Variants in MAD1L1 observed in about 807,000 individuals in gnomAD.
MAD1L1 encodes mitotic arrest deficient 1 like 1.
MAD1L1 carries 95 observed loss-of-function variants against 96.9 expected under a neutral mutation model. That is an observed-to-expected ratio of 0.98 (90% CI 0.83 to 1.16). The LOEUF (loss-of-function observed/expected upper bound fraction) is 1.16, where lower values mean the gene tolerates loss of function less well. Among genes scored for constraint, MAD1L1 ranks in the 50% most tolerant of loss-of-function variants. MAD1L1 has a pLI of 0.00. For synonymous variants in MAD1L1, 473 were observed against 396.6 expected, an observed-to-expected ratio of 1.19 and a Z score of -2.29; for missense variants, 1,007 against 954.4, an observed-to-expected ratio of 1.06 and a Z score of -0.73.
chr7:2,005,043 C>T (rs896789318), intron 13 of MAD1L1, among the ~76,000 whole-genome samples: 4 of 152,302 alleles, frequency 2.6e-5, no homozygotes, highest in South Asian at 2.1e-4. Context: ...GAGCAGCTCC[C>T]GTGAGAGTGC....
intron 18 of MAD1L1, among the ~76,000 whole-genome samples, chr7:1,885,094 G>A (rs963506845): frequency 3.9e-5 from 6 of 152,206 alleles, no homozygotes; most frequent in South Asian, 2.1e-4. Flanking sequence ...GACCCAAGGC[G>A]GGGACCCAGG....
chr7:2,154,380 C>A (rs555958381), intron 10 of MAD1L1, among the ~76,000 whole-genome samples: 15 of 152,228 alleles, frequency 9.9e-5, no homozygotes, highest in African/African-American at 3.4e-4. Context: ...TTAATGGGTA[C>A]GAACATACAG....
intron 18 of MAD1L1, chr7:1,847,472 C>T (rs1423698686): frequency 4.2e-6 from 2 of 470,982 alleles, no homozygotes; most frequent in South Asian, 3.1e-5. Flanking sequence ...TCCCACACAA[C>T]CCAGCCCCCA....
intron 10 of MAD1L1, among the ~76,000 whole-genome samples, chr7:2,153,272 T>C (rs1476106272): frequency 6.6e-6 from 1 of 151,986 alleles, no homozygotes; most frequent in Admixed American, 6.6e-5. Context: ...CAGGAAAATA[T>C]CTGTCAACTC....
intron 10 of MAD1L1, among the ~76,000 whole-genome samples, chr7:2,207,245 T>C (rs1384948656): frequency 1.3e-5 from 2 of 152,124 alleles, no homozygotes; most frequent in Non-Finnish European, 2.9e-5. Context: ...CTGAAATATA[T>C]ATTTGGTCTT....
chr7:2,111,248 G>C (rs1787364801), intron 11 of MAD1L1, among the ~76,000 whole-genome samples: 1 of 152,190 alleles, frequency 6.6e-6, no homozygotes, highest in African/African-American at 2.4e-5. Context: ...GACTAGAGGG[G>C]CTCGGGAAGC....
intron 17 of MAD1L1, among the ~76,000 whole-genome samples, chr7:1,912,285 G>T (rs1562517477): frequency 6.6e-6 from 1 of 152,214 alleles, no homozygotes; most frequent in Non-Finnish European, 1.5e-5. Context: ...AGCAAATGGG[G>T]GCATGTGTGG....
chr7:1,820,181 T>G (rs1248425095), intron 18 of MAD1L1, among the ~76,000 whole-genome samples: 1 of 151,996 alleles, frequency 6.6e-6, no homozygotes, highest in East Asian at 1.9e-4. Flanking sequence ...CACTTCTAAG[T>G]AATCCACGAG....
intron 18 of MAD1L1, among the ~76,000 whole-genome samples, chr7:1,828,245 A>G (rs562633951): frequency 7.2e-5 from 11 of 152,330 alleles, no homozygotes; most frequent in African/African-American, 2.4e-4. Flanking sequence ...GTTTTCAGTC[A>G]GGAAGGGTGG....
intron 16 of MAD1L1, among the ~76,000 whole-genome samples, chr7:1,944,427 G>C (rs1212973988): frequency 2.0e-5 from 3 of 152,184 alleles, no homozygotes; most frequent in Admixed American, 1.3e-4. Context: ...GAAACAGCAG[G>C]AAGCGTGGAT....
At chr7:1,838,846 C>T (rs528688074) in intron 18 of MAD1L1, 10 of 471,410 alleles carry the variant, frequency 2.1e-5, no homozygotes, top group East Asian at 1.4e-4. Flanking sequence ...AGTCCCTGGC[C>T]GAGAAGAAGG....
intron 11 of MAD1L1, among the ~76,000 whole-genome samples, chr7:2,135,972 C>G (rs1488114342): frequency 6.6e-6 from 1 of 152,222 alleles, no homozygotes; most frequent in African/African-American, 2.4e-5. Flanking sequence ...AAGGGATTCA[C>G]TGCTGGTTTC....
At chr7:2,017,838 T>C (rs770213246) in intron 12 of MAD1L1, among the ~76,000 whole-genome samples, 5 of 152,044 alleles carry the variant, frequency 3.3e-5, no homozygotes, top group Non-Finnish European at 7.4e-5. Flanking sequence ...GCAGGACACC[T>C]GGGCAGCAGG....
At chr7:1,823,278 A>G (rs544556827) in intron 18 of MAD1L1, among the ~76,000 whole-genome samples, 3 of 152,140 alleles carry the variant, frequency 2.0e-5, no homozygotes, top group Non-Finnish European at 2.9e-5. Flanking sequence ...CTGTATCACG[A>G]ACTTACATGT....
intron 18 of MAD1L1, among the ~76,000 whole-genome samples, chr7:1,818,386 A>G (rs994270280): frequency 1.3e-5 from 2 of 151,864 alleles, no homozygotes; most frequent in African/African-American, 4.8e-5. Flanking sequence ...GTTCATTTCT[A>G]AAAATATTTT....
chr7:2,177,404 T>C (rs1303041658), intron 10 of MAD1L1, among the ~76,000 whole-genome samples: 1 of 152,206 alleles, frequency 6.6e-6, no homozygotes, highest in Non-Finnish European at 1.5e-5. Flanking sequence ...TTGATATGCT[T>C]TGGTATATTC....
chr7:1,987,573 G>T (rs537096312), intron 14 of MAD1L1, among the ~76,000 whole-genome samples: 30 of 152,286 alleles, frequency 2.0e-4, no homozygotes, highest in African/African-American at 6.3e-4. Context: ...ATCGGGGAGG[G>T]GGGGAGAGGC....
intron 18 of MAD1L1, among the ~76,000 whole-genome samples, chr7:1,834,795 T>C (rs1228652542): frequency 6.6e-6 from 1 of 152,050 alleles, no homozygotes; most frequent in African/African-American, 2.4e-5. Context: ...AGGAATGCTT[T>C]CCAACTCACT....
At chr7:1,864,166 A>C (rs1784662989) in intron 18 of MAD1L1, among the ~76,000 whole-genome samples, 1 of 152,208 alleles carries the variant, frequency 6.6e-6, no homozygotes, top group African/African-American at 2.4e-5. Flanking sequence ...AGAGGAACAA[A>C]GACCCCGGGC....
Sources: gnomAD v4.1 joint callset for allele counts (sites outside exome capture counted in the v4.1 genomes callset) on GRCh38, gnomAD v4.1.1 for gene constraint, MANE v1.5 for transcripts, NCBI Gene and HGNC (gene_info 2026-07-23, HGNC 2026-07-21) for gene names.